The following ALAS1 variants were observed in gnomAD, a reference collection of about 807,000 sequenced individuals.
ALAS1 encodes 5-aminolevulinate synthase, non-specific, mitochondrial.
ALAS1 carries 29 observed loss-of-function variants against 59.6 expected under a neutral mutation model. The ratio of observed to expected loss-of-function variants is 0.49; its 90% CI spans 0.36 to 0.66. The LOEUF (loss-of-function observed/expected upper bound fraction) is 0.66. Ranked by LOEUF, ALAS1 falls within the 30% of genes least tolerant of loss-of-function variation. The probability of loss-of-function intolerance (pLI) is 0.00; values close to 1 mark genes in which losing one functional copy is unlikely to be tolerated. For missense variants in ALAS1, 690 were observed against 807.5 expected (o/e 0.85, Z 1.76); for synonymous variants, 299 against 296.6 (o/e 1.01, Z -0.08).
intron 10 of ALAS1, 148 bp downstream of exon 10, chr3:52,211,699 C>A: frequency 8.4e-7 from 1 of 1,194,662 alleles, no homozygotes; most frequent in South Asian, 1.5e-5. Context: ...TGTCATGTTT[C>A]CGCCATTGGC....
rs530800696 is a variant in ALAS1 at position 52,211,383 on chromosome 3, G to C, written c.1431G>C (p.Leu477=). The change falls in exon 10 of 12, where the codon CTG becomes CTC. Residue 477 remains leucine (L), a synonymous_variant. Transcript: ENST00000484952. ...CTGGCTTCATCTTCACCACCTCTCT[G>C]CCACCCATGCTGCTGGCTGGAGCCC... ...YAAGFIFTTS[L]PPMLLAGALE... is the part of the protein sequence containing the mutation. 7 of 1,614,162 alleles carry C rather than the reference G, an allele frequency of 4.3e-6. No homozygotes were observed. The South Asian group carries it at 7.7e-5, about 18-fold the overall frequency.
Position 52,198,867 on chromosome 3 carries a change from T to C in ALAS1, c.-33+19T>C, listed in dbSNP as rs763209139. The C allele has an allele frequency of 1.7e-5, 26 of 1,535,642 alleles. 1 individual carries two copies. The highest frequency in any genetic ancestry group is 1.7e-4 in the Middle Eastern group (1 of 5,990). The stretch of plus-strand genomic sequence containing the variant: ...CCTAGATGTAAGCCAAGATGTCTTA[T>C]CTGCACTGTGCATCTCCCTAAGAAA... On this transcript the variant is annotated intron_variant, in intron 2 of 11. Transcript: ENST00000484952.
chr3:52,212,332 C>A lies in ALAS1; in HGVS notation c.1674C>A (p.Ile558=), dbSNP rs142835980. Residue 558 remains isoleucine, a synonymous_variant, in exon 11 of 12, where the codon ATC becomes ATA. Coordinates refer to ENST00000484952, the MANE Select transcript of ALAS1 (RefSeq NM_000688.6). The part of the protein sequence containing the change: ...MSRHNIYVQA[I]NYPTVPRGEE... ...GACATAACATCTACGTGCAAGCAAT[C>A]AATTACCCTACGGTGCCCCGGGGAG... is the stretch of plus-strand genomic sequence containing the variant. The A allele has an allele frequency of 4.8e-3, 7,804 of 1,614,168 alleles. 16 individuals carry two copies. The highest frequency in any genetic ancestry group is 6.1e-3 in the Non-Finnish European group (7,257 of 1,180,026).
chr3:52,198,430 C>T (rs1236133225), intron 1 of ALAS1, among the ~76,000 whole-genome samples, 175 bp downstream of exon 1: 1 of 152,226 alleles, frequency 6.6e-6, no homozygotes, highest in East Asian at 1.9e-4. Flanking sequence ...GCCTCAGTTT[C>T]CCCCTTTCGG....
intron 8 of ALAS1, 42 bp downstream of exon 8, chr3:52,206,793 A>T (rs1230202656): frequency 6.3e-7 from 1 of 1,590,212 alleles, no homozygotes; most frequent in East Asian, 2.2e-5. Context: ...AAGATGAAAA[A>T]CTATGCCTGA....
At chr3:52,210,728 A>G (rs377110072) in intron 9 of ALAS1, among the ~76,000 whole-genome samples, 1 of 152,090 alleles carries the variant, frequency 6.6e-6, no homozygotes, top group Non-Finnish European at 1.5e-5. Context: ...GCAGAGAGCT[A>G]TGATCATGCC....
Position 52,211,536 on chromosome 3 carries a change from C to T in ALAS1, c.1584C>T (p.His528=), listed in dbSNP as rs777078520. The T allele has an allele frequency of 3.1e-6, 5 of 1,614,052 alleles. No individual in the cohort carries two copies. Among genetic ancestry groups the T allele is most frequent in the Non-Finnish European group, 8.5e-7 (1 of 1,180,004 alleles). The change falls in exon 10 of 12, where the codon CAC becomes CAT. Residue 528 remains histidine (H), a synonymous_variant. Transcript: ENST00000484952. ...AGLPVVHCPS[H]IIPVRVADAA... ...TCCCTGTTGTCCACTGCCCCAGCCA[C>T]ATCATCCCTGTGCGGGTAATGGCCT...
chr3:52,198,170 C>G lies in ALAS1; in HGVS notation c.-295C>G, dbSNP rs1367795400. ...GGCGATCGCGGCCTGAGGCTGCTCC[C>G]GGACAAGGGCAACGAGCGTTTCGTT... On this transcript the variant is annotated 5_prime_UTR_variant, in exon 1 of 12. Coordinates refer to ENST00000484952, the MANE Select transcript of ALAS1 (RefSeq NM_000688.6). 2.5e-6 allele frequency: 1 copy of G among 398,576 alleles called. No homozygotes were observed. Among genetic ancestry groups the G allele is most frequent in the Non-Finnish European group, 4.4e-6 (1 of 225,944 alleles). 24.7% of individuals were successfully genotyped at this position (398,576 alleles called of 1,614,324 possible).
At chr3:52,204,089 C>T (rs2107268567) in intron 5 of ALAS1, 77 bp downstream of exon 5, 1 of 1,446,760 alleles carries the variant, frequency 6.9e-7, no homozygotes, top group South Asian at 1.3e-5. Context: ...TATAAAATTG[C>T]ATGGTGAGGC....
intron 9 of ALAS1, among the ~76,000 whole-genome samples, chr3:52,208,744 C>A (rs1699345628): frequency 6.6e-6 from 1 of 152,198 alleles, no homozygotes; most frequent in Non-Finnish European, 1.5e-5. Flanking sequence ...AGCCCTGCCA[C>A]CTCACTAGTT....
rs528014399 is a variant in ALAS1, at chr3:52,206,878, A to G, written c.1165+127A>G. On this transcript the variant is annotated intron_variant, in intron 8 of 11. Transcript: ENST00000484952. Reference sequence around the variant, plus strand: ...GTGACCGATCCTCGCTCTGTTGCCCAGGCAGGAGTGCAGTGGTGCGATCTC... The same window carrying G: ...GTGACCGATCCTCGCTCTGTTGCCCGGGCAGGAGTGCAGTGGTGCGATCTC... 5.8e-6 allele frequency: 6 copies of G among 1,032,394 alleles called. No individual in the cohort carries two copies. In the South Asian group the frequency reaches 6.7e-5, roughly 12 times the overall value. The allele number at this position is 1,032,394 out of a possible 1,614,324, so 64.0% of individuals were successfully genotyped here.
intron 4 of ALAS1, among the ~76,000 whole-genome samples, chr3:52,203,230 T>A (rs1230152332): frequency 6.6e-6 from 1 of 152,066 alleles, no homozygotes; most frequent in Non-Finnish European, 1.5e-5. Flanking sequence ...ATGGCCAAAA[T>A]TGTTTTCTAT....
At chr3:52,199,783 A>T (rs1559870930) in intron 3 of ALAS1, among the ~76,000 whole-genome samples, 2 of 152,056 alleles carry the variant, frequency 1.3e-5, no homozygotes, top group Non-Finnish European at 2.9e-5. Flanking sequence ...TAGCCTTCTA[A>T]TTTCCCTCAT....
intron 6 of ALAS1, among the ~76,000 whole-genome samples, chr3:52,205,406 C>T (rs945014491): frequency 2.0e-5 from 3 of 152,122 alleles, no homozygotes; most frequent in African/African-American, 7.2e-5. Context: ...AAAGAGGGTC[C>T]CGGTTTGAGG....
chr3:52,212,551 A>G (rs1295517524), intron 11 of ALAS1, 131 bp downstream of exon 11: 2 of 1,248,600 alleles, frequency 1.6e-6, no homozygotes, highest in Admixed American at 3.8e-5. Flanking sequence ...TTTTTTTGAG[A>G]CAAGAGTTTC....
chr3:52,211,452 TCGC>T lies in ALAS1; in HGVS notation c.1505_1507del (p.Arg502del). 1 of 1,614,206 alleles carries T rather than the reference TCGC, an allele frequency of 6.2e-7. No homozygotes were observed. On this transcript the variant is annotated inframe_deletion, in exon 10 of 12. Transcript: ENST00000484952. The stretch of plus-strand genomic sequence containing the variant: ...TGAAGAGCGCTGAGGGACGGGTGCT[TCGC>T]CGCCAGCACCAGCGCAACGTCAAAC...
chr3:52,200,484 T>C (rs1699165362), intron 3 of ALAS1, among the ~76,000 whole-genome samples: 1 of 152,208 alleles, frequency 6.6e-6, no homozygotes. Context: ...ACTCCTGTAA[T>C]CCCAGCGCTT....
chr3:52,199,469 G>A (rs1478583222), intron 3 of ALAS1, 29 bp downstream of exon 3: 5 of 1,602,116 alleles, frequency 3.1e-6, no homozygotes, highest in African/African-American at 1.3e-5. Context: ...GAAGGAGCAG[G>A]TATGGGTGTT....
In ALAS1 at chr3:52,204,015, A is replaced by G. The variant is rs548508126; in HGVS notation, c.577+3A>G. ...TCTTCAAGATAACTTGCCAAAATGT[A>G]AGTCTCATTGTTATTTGCCTGATGT... is the stretch of plus-strand genomic sequence containing the variant. On this transcript the variant is annotated splice_donor_region_variant and intron_variant, in intron 5 of 11. Transcript: ENST00000484952. 3.7e-6 allele frequency: 6 copies of G among 1,600,904 alleles called. No individual in the cohort carries two copies. The South Asian group carries it at 4.5e-5, about 12-fold the overall frequency.
Sources: gnomAD v4.1 joint callset for allele counts (sites outside exome capture counted in the v4.1 genomes callset) on GRCh38, gnomAD v4.1.1 for gene constraint, MANE v1.5 for transcripts, NCBI Gene and HGNC (gene_info 2026-07-23, HGNC 2026-07-21) for gene names.